R3HDM1: variants seen among roughly 807,000 people sequenced by gnomAD.
The protein encoded by R3HDM1 is R3H domain-containing protein 1.
In R3HDM1, 46 loss-of-function variants were observed where a neutral mutation model predicts 141.1. The ratio of observed to expected loss-of-function variants is 0.33; its 90% CI spans 0.26 to 0.42. The LOEUF is 0.42. Ranked by LOEUF, R3HDM1 falls within the 10% of genes least tolerant of loss-of-function variation. The pLI is 1.00. For synonymous variants in R3HDM1, 435 were observed against 472.9 expected (o/e 0.92, Z 1.04); for missense variants, 1,184 against 1,368.3 (o/e 0.87, Z 2.12).
chr2:135,710,727 T>A (rs1293837017), intron 23 of R3HDM1, among the ~76,000 whole-genome samples: 1 of 152,236 alleles, frequency 6.6e-6, no homozygotes, highest in Non-Finnish European at 1.5e-5. Flanking sequence ...AAAAAAGTGT[T>A]TTCTAACTTA....
chr2:135,634,816 A>G, intron 9 of R3HDM1, among the ~76,000 whole-genome samples: 1 of 152,370 alleles, frequency 6.6e-6, no homozygotes, highest in East Asian at 1.9e-4. Flanking sequence ...TTTTCTCTAA[A>G]GCCATTTAAT....
At position 135,599,443 on chromosome 2, in the gene R3HDM1, C is replaced by G. The variant is rs144873821; in HGVS notation, c.-249-3057C>G. Among the ~76,000 whole-genome samples, 40 of 152,226 alleles carry G rather than the reference C, an allele frequency of 2.6e-4. No homozygotes were observed. The East Asian group carries it at 7.3e-3, about 28-fold the overall frequency. ...TTGTTCATTTTTTTCTCTAAGTTGT[C>G]TTCCTAAATTTTGTAAGTTCCTAAG... On this transcript the variant is annotated intron_variant, in intron 1 of 26. Coordinates refer to ENST00000683871, the MANE Select transcript of R3HDM1 (RefSeq NM_001378107.1).
intron 21 of R3HDM1, among the ~76,000 whole-genome samples, chr2:135,686,357 G>C (rs545575774): frequency 6.6e-6 from 1 of 152,128 alleles, no homozygotes; most frequent in African/African-American, 2.4e-5. Context: ...TCAGTATCTC[G>C]AAGAGAGATT....
Position 135,724,257 on chromosome 2 carries a change from G to C in R3HDM1, c.3370G>C (p.Asp1124His). 6.2e-7 allele frequency: 1 copy of C among 1,613,498 alleles called. No homozygotes were observed. Among genetic ancestry groups the C allele is most frequent in the East Asian group, 2.2e-5 (1 of 44,882 alleles). Residue 1124 changes from aspartate to histidine, a missense_variant, in exon 27 of 27, where the codon GAC becomes CAC. Physicochemically the swap from Asp to His is moderately conservative, Grantham distance 81. Coordinates refer to ENST00000683871, the MANE Select transcript of R3HDM1 (RefSeq NM_001378107.1). ...GCTGAGAACAAGCAAGAAGCACTAT[G>C]ACTTTCACATTTTGGAAAGGGCAAG... The part of the protein sequence containing the change: ...FKLRTSKKHY[D>H]FHILERASSQ
intron 19 of R3HDM1, chr2:135,669,456 T>A: frequency 5.1e-6 from 5 of 984,566 alleles, no homozygotes; most frequent in Non-Finnish European, 6.0e-6. Context: ...ATTATCTGTT[T>A]TCCTGTAATT....
intron 3 of R3HDM1, among the ~76,000 whole-genome samples, chr2:135,612,428 TA>T (rs1185930733): frequency 1.3e-5 from 2 of 152,324 alleles, no homozygotes; most frequent in African/African-American, 4.8e-5. Context: ...AGTTGAGTGA[TA>T]TTTAATTGGT....
rs985182643 is a variant in R3HDM1, at chr2:135,533,571, T to C, written c.-250+1938T>C. ...TGATAATGCTTAACTTAGGGAGTTA[T>C]GAAAATTAGAGATAAATATATAATA... On this transcript the variant is annotated intron_variant, in intron 1 of 26. Transcript: ENST00000683871. Among the ~76,000 whole-genome samples the C allele has an allele frequency of 9.2e-5, 14 of 152,314 alleles. No individual in the cohort carries two copies. The East Asian group carries it at 2.1e-3, about 23-fold the overall frequency.
chr2:135,544,548 A>C (rs1201055510), intron 1 of R3HDM1, among the ~76,000 whole-genome samples: 1 of 152,212 alleles, frequency 6.6e-6, no homozygotes, highest in South Asian at 2.1e-4. Flanking sequence ...AAAAGGTAAA[A>C]ATTTCCAGAA....
intron 19 of R3HDM1, among the ~76,000 whole-genome samples, chr2:135,672,137 G>A (rs13339789): frequency 0.053 from 8,084 of 152,210 alleles, 387 homozygotes; most frequent in African/African-American, 0.12. Flanking sequence ...TTAAGTGCTT[G>A]GCATCATTAT....
chr2:135,619,271 C>G (rs921838583), intron 5 of R3HDM1, among the ~76,000 whole-genome samples: 1 of 152,068 alleles, frequency 6.6e-6, no homozygotes, highest in African/African-American at 2.4e-5. Context: ...TGTACCATGA[C>G]CCTTGTTTTT....
intron 1 of R3HDM1, among the ~76,000 whole-genome samples, chr2:135,597,591 T>G (rs964096699): frequency 2.0e-5 from 3 of 152,196 alleles, no homozygotes; most frequent in African/African-American, 7.2e-5. Context: ...ATTTTCTTTA[T>G]AGATGTGCCT....
At chr2:135,613,381 C>T (rs1457715473) in intron 3 of R3HDM1, among the ~76,000 whole-genome samples, 1 of 152,178 alleles carries the variant, frequency 6.6e-6, no homozygotes, top group Non-Finnish European at 1.5e-5. Context: ...GAGTCCTTCT[C>T]ACGCTTTAAA....
At chr2:135,531,988 T>A (rs890576906) in intron 1 of R3HDM1, among the ~76,000 whole-genome samples, 1 of 152,158 alleles carries the variant, frequency 6.6e-6, no homozygotes, top group African/African-American at 2.4e-5. Flanking sequence ...GGGAAAGGTT[T>A]CCGAGTCCCT....
At chr2:135,535,614 A>G (rs1342058199) in intron 1 of R3HDM1, among the ~76,000 whole-genome samples, 2 of 152,164 alleles carry the variant, frequency 1.3e-5, no homozygotes, top group African/African-American at 4.8e-5. Context: ...AAAAAAAATT[A>G]AATCATCTTC....
chr2:135,590,867 C>T (rs1357206570), intron 1 of R3HDM1: 1 of 317,180 alleles, frequency 3.2e-6, no homozygotes, highest in Non-Finnish European at 4.6e-6. Context: ...CCACAAAATG[C>T]TCTTTGACAG....
intron 1 of R3HDM1, among the ~76,000 whole-genome samples, chr2:135,549,164 T>C (rs1699319206): frequency 6.6e-6 from 1 of 152,236 alleles, no homozygotes; most frequent in African/African-American, 2.4e-5. Flanking sequence ...GTATCTTTCC[T>C]AGAATGCATT....
At chr2:135,636,037 A>G (rs935116206) in intron 10 of R3HDM1, 39 bp downstream of exon 10, 2 of 1,610,774 alleles carry the variant, frequency 1.2e-6, no homozygotes, top group Non-Finnish European at 1.7e-6. Context: ...TAGGTGCAAG[A>G]CATACTATAC....
chr2:135,680,930 GT>G (rs1211435482), intron 21 of R3HDM1, among the ~76,000 whole-genome samples: 1 of 152,120 alleles, frequency 6.6e-6, no homozygotes, highest in East Asian at 1.9e-4. Context: ...AATATTTAAG[GT>G]TTTTATAGGG....
At chr2:135,629,255 G>T (rs940651292) in intron 7 of R3HDM1, among the ~76,000 whole-genome samples, 1 of 152,118 alleles carries the variant, frequency 6.6e-6, no homozygotes, top group Non-Finnish European at 1.5e-5. Flanking sequence ...GGCAGAGGTT[G>T]CAGGGAGCCG....
Sources: allele counts gnomAD v4.1 joint callset (sites outside exome capture counted in the v4.1 genomes callset), GRCh38; gene constraint gnomAD v4.1.1; transcripts MANE v1.5; gene names NCBI Gene and HGNC (gene_info 2026-07-23, HGNC 2026-07-21).